Variants in PPFIA2 observed in about 807,000 individuals in gnomAD.
PPFIA2 encodes the protein PPFI scaffold protein A2.
PPFIA2 carries 46 observed loss-of-function variants against 175.5 expected under a neutral mutation model. The observed-to-expected ratio is 0.26, with a 90% CI of 0.21 to 0.34. PPFIA2 has a LOEUF of 0.34. PPFIA2 is among the 10% of genes least tolerant of loss of function. PPFIA2 has a pLI of 1.00. For synonymous variants in PPFIA2, 568 were observed against 511.4 expected (o/e 1.11, Z -1.49); for missense variants, 1,179 against 1,506.1 (o/e 0.78, Z 3.60).
chr12:81,428,950 C>T (rs887450807), intron 7 of PPFIA2, among the ~76,000 whole-genome samples: 4 of 152,012 alleles, frequency 2.6e-5, no homozygotes, highest in African/African-American at 7.2e-5. Flanking sequence ...TGTCATTAAA[C>T]GCATACTGTC....
chr12:81,648,069 G>T (rs1398146260), intron 4 of PPFIA2, among the ~76,000 whole-genome samples: 1 of 149,934 alleles, frequency 6.7e-6, no homozygotes, highest in East Asian at 2.0e-4. Flanking sequence ...TACAGAAAAA[G>T]TATAATATCT....
intron 4 of PPFIA2, among the ~76,000 whole-genome samples, chr12:81,654,120 T>C (rs1411606070): frequency 6.6e-6 from 1 of 151,094 alleles, no homozygotes; most frequent in Non-Finnish European, 1.5e-5. Flanking sequence ...ATCTGTAGAA[T>C]GAAAAGTACT....
chr12:81,373,926 C>A (rs1265770285), intron 11 of PPFIA2, among the ~76,000 whole-genome samples: 1 of 151,936 alleles, frequency 6.6e-6, no homozygotes, highest in Non-Finnish European at 1.5e-5. Flanking sequence ...CTTTTAGTGA[C>A]AAAATGTAGT....
intron 4 of PPFIA2, among the ~76,000 whole-genome samples, chr12:81,675,943 A>C (rs142239544): frequency 6.6e-6 from 1 of 152,192 alleles, no homozygotes; most frequent in East Asian, 1.9e-4. Context: ...ACACCGTGAG[A>C]CATATCTGAG....
chr12:81,605,936 C>A (rs1485173449), intron 4 of PPFIA2, among the ~76,000 whole-genome samples: 2 of 151,650 alleles, frequency 1.3e-5, no homozygotes, highest in African/African-American at 4.8e-5. Context: ...AGCATAATAG[C>A]CAATAAGTAG....
chr12:81,393,388 A>C (rs930467581), intron 8 of PPFIA2, among the ~76,000 whole-genome samples: 1 of 152,106 alleles, frequency 6.6e-6, no homozygotes. Flanking sequence ...TAAAATAAAG[A>C]ATCAACACTA....
intron 4 of PPFIA2, among the ~76,000 whole-genome samples, chr12:81,626,757 A>G (rs1666716447): frequency 6.6e-6 from 1 of 151,982 alleles, no homozygotes; most frequent in Non-Finnish European, 1.5e-5. Flanking sequence ...GATGTGTATT[A>G]TTTTGGGGAT....
intron 30 of PPFIA2, among the ~76,000 whole-genome samples, chr12:81,266,417 G>T (rs188585614): frequency 1.3e-5 from 2 of 151,982 alleles, no homozygotes; most frequent in Non-Finnish European, 1.5e-5. Context: ...ATTATATAGC[G>T]ATTCTTATAT....
intron 3 of PPFIA2, among the ~76,000 whole-genome samples, chr12:81,751,690 A>G (rs1247208498): frequency 3.9e-5 from 6 of 152,170 alleles, no homozygotes; most frequent in Non-Finnish European, 7.4e-5. Flanking sequence ...AAGGCTGGGC[A>G]GTATATTTAA....
chr12:81,493,385 G>T (rs2059624725), intron 4 of PPFIA2, among the ~76,000 whole-genome samples: 1 of 152,002 alleles, frequency 6.6e-6, no homozygotes, highest in Non-Finnish European at 1.5e-5. Context: ...GACAAGAAGA[G>T]AGCTAATGAA....
chr12:81,268,706 T>C (rs1565818772), intron 28 of PPFIA2, among the ~76,000 whole-genome samples: 2 of 152,244 alleles, frequency 1.3e-5, no homozygotes, highest in African/African-American at 4.8e-5. Flanking sequence ...GGTGTCTGTC[T>C]GAAGTTCAAT....
chr12:81,447,827 A>C (rs1162659991), intron 5 of PPFIA2, among the ~76,000 whole-genome samples: 1 of 152,172 alleles, frequency 6.6e-6, no homozygotes, highest in Non-Finnish European at 1.5e-5. Context: ...TTAAATTTAC[A>C]TACCTCATAT....
intron 4 of PPFIA2, among the ~76,000 whole-genome samples, chr12:81,674,425 T>G (rs1211164161): frequency 6.6e-6 from 1 of 152,092 alleles, no homozygotes; most frequent in Non-Finnish European, 1.5e-5. Flanking sequence ...AAATACACTT[T>G]GGGAGGCCAA....
chr12:81,733,935 C>T (rs1361515709), intron 3 of PPFIA2, among the ~76,000 whole-genome samples: 1 of 151,676 alleles, frequency 6.6e-6, no homozygotes, highest in Admixed American at 6.6e-5. Flanking sequence ...ACATGTCTAT[C>T]TTTTGTATTC....
chr12:81,395,857 G>A (rs1483779320), intron 8 of PPFIA2, among the ~76,000 whole-genome samples: 1 of 152,046 alleles, frequency 6.6e-6, no homozygotes, highest in Non-Finnish European at 1.5e-5. Flanking sequence ...TTTGCAAAAT[G>A]TCTGCCTCCT....
At position 81,520,245 on chromosome 12, in the gene PPFIA2, G is replaced by A. The variant is rs140457843; in HGVS notation, c.304-62379C>T. 1.7e-3 allele frequency among the ~76,000 whole-genome samples: 261 copies of A among 152,220 alleles called. 2 individuals carry two copies. The highest frequency in any genetic ancestry group is 6.1e-3 in the African/African-American group (252 of 41,522). On this transcript the variant is annotated intron_variant, in intron 4 of 32. Transcript: ENST00000549396. The stretch of plus-strand genomic sequence containing the variant: ...GGAGTAGATGATGTTGATGCCTAAC[G>A]CGCAGGTAGTGCAGACAGCATGGAT...
chr12:81,472,074 A>T (rs536174506), intron 4 of PPFIA2, among the ~76,000 whole-genome samples: 1 of 152,338 alleles, frequency 6.6e-6, no homozygotes, highest in East Asian at 1.9e-4. Context: ...CTTGAAAAAT[A>T]TGCTAAGTTA....
chr12:81,269,408 C>T (rs2038400902), intron 28 of PPFIA2, among the ~76,000 whole-genome samples: 2 of 152,096 alleles, frequency 1.3e-5, no homozygotes, highest in African/African-American at 4.8e-5. Context: ...GTATAAAAAT[C>T]TTTCAGGAAA....
At chr12:81,644,218 A>G (rs2065746830) in intron 4 of PPFIA2, among the ~76,000 whole-genome samples, 1 of 152,024 alleles carries the variant, frequency 6.6e-6, no homozygotes, top group African/African-American at 2.4e-5. Flanking sequence ...ATACCTCAGT[A>G]TGGGTAAATG....
Sources: allele counts gnomAD v4.1 joint callset (sites outside exome capture counted in the v4.1 genomes callset), GRCh38; gene constraint gnomAD v4.1.1; transcripts MANE v1.5; gene names NCBI Gene and HGNC (gene_info 2026-07-23, HGNC 2026-07-21).